SPIDR: variants seen among roughly 807,000 people sequenced by gnomAD.
The protein encoded by SPIDR is scaffold protein involved in DNA repair, also known as DNA repair-scaffolding protein.
A neutral mutation model predicts 104.6 loss-of-function variants in SPIDR; 93 were observed. That is an observed-to-expected ratio of 0.89 (90% CI 0.75 to 1.06). SPIDR has a LOEUF of 1.06. Among genes scored for constraint, SPIDR ranks in the 50% least tolerant of loss-of-function variants. The pLI is 0.00. For synonymous variants in SPIDR, 431 were observed against 416.9 expected, an observed-to-expected ratio of 1.03 and a Z score of -0.41; for missense variants, 1,154 against 1,111.2, an observed-to-expected ratio of 1.04 and a Z score of -0.55.
intron 7 of SPIDR, among the ~76,000 whole-genome samples, chr8:47,422,496 G>A (rs1284918629): frequency 6.6e-6 from 1 of 152,204 alleles, no homozygotes; most frequent in African/African-American, 2.4e-5. Context: ...GATTTTCCAG[G>A]TGCCATCTGT....
intron 8 of SPIDR, among the ~76,000 whole-genome samples, chr8:47,471,236 A>C (rs2075660298): frequency 6.6e-6 from 1 of 152,122 alleles, no homozygotes. Context: ...GTGAAAAGTC[A>C]ACCCATACAG....
chr8:47,730,965 T>C (rs2085111420), intron 19 of SPIDR, among the ~76,000 whole-genome samples: 1 of 151,714 alleles, frequency 6.6e-6, no homozygotes, highest in African/African-American at 2.4e-5. Context: ...CTCTAAAGAG[T>C]TTCTGCTCTT....
intron 8 of SPIDR, among the ~76,000 whole-genome samples, chr8:47,586,363 G>T (rs1184754220): frequency 6.6e-6 from 1 of 152,016 alleles, no homozygotes; most frequent in East Asian, 1.9e-4. Context: ...TTACATTTCT[G>T]CCAGCAGTAT....
intron 5 of SPIDR, among the ~76,000 whole-genome samples, chr8:47,346,919 A>AT (rs1195841111): frequency 5.9e-5 from 9 of 151,730 alleles, no homozygotes; most frequent in East Asian, 5.8e-4. Flanking sequence ...GGATTCATTG[A>AT]TTTTTTGAAG....
intron 8 of SPIDR, among the ~76,000 whole-genome samples, chr8:47,544,710 A>G (rs778751418): frequency 1.3e-5 from 2 of 152,224 alleles, no homozygotes; most frequent in Admixed American, 6.5e-5. Flanking sequence ...TCTTTGTACC[A>G]TCACACAGTC....
intron 8 of SPIDR, among the ~76,000 whole-genome samples, chr8:47,468,783 G>T (rs2075270714): frequency 6.6e-6 from 1 of 152,128 alleles, no homozygotes; most frequent in Non-Finnish European, 1.5e-5. Flanking sequence ...TTTAGGCAAA[G>T]ATTTCATTAT....
intron 1 of SPIDR, among the ~76,000 whole-genome samples, chr8:47,267,677 G>A (rs536301813): frequency 1.3e-5 from 2 of 152,238 alleles, no homozygotes; most frequent in East Asian, 3.9e-4. Context: ...AGCTTATTTG[G>A]CTGCGTTTTC....
chr8:47,708,035 T>C (rs1406685376), intron 14 of SPIDR, among the ~76,000 whole-genome samples: 7 of 152,196 alleles, frequency 4.6e-5, no homozygotes, highest in Non-Finnish European at 2.9e-5. Context: ...CACGGTGGCT[T>C]ACGCCTGTAA....
At chr8:47,337,500 C>G (rs1563663345) in intron 5 of SPIDR, among the ~76,000 whole-genome samples, 2 of 150,938 alleles carry the variant, frequency 1.3e-5, no homozygotes, top group Non-Finnish European at 3.0e-5. Flanking sequence ...TTTTTTTTTC[C>G]CAGATGTATG....
intron 5 of SPIDR, among the ~76,000 whole-genome samples, chr8:47,322,702 T>C (rs546647723): frequency 3.9e-5 from 6 of 152,174 alleles, no homozygotes; most frequent in Non-Finnish European, 8.8e-5. Flanking sequence ...TGTCCAACAA[T>C]GATAGACTGG....
chr8:47,418,615 T>C (rs2064820606), intron 7 of SPIDR, among the ~76,000 whole-genome samples: 1 of 152,198 alleles, frequency 6.6e-6, no homozygotes. Context: ...CTTTATTTCC[T>C]TCTCCTGCCT....
intron 10 of SPIDR, among the ~76,000 whole-genome samples, chr8:47,620,571 T>A (rs777310225): frequency 2.6e-5 from 4 of 151,088 alleles, no homozygotes; most frequent in African/African-American, 4.9e-5. Flanking sequence ...CCCGGCCCAT[T>A]TAAACCATTT....
intron 16 of SPIDR, among the ~76,000 whole-genome samples, chr8:47,723,755 T>C (rs1370979808): frequency 6.6e-6 from 1 of 152,194 alleles, no homozygotes; most frequent in East Asian, 1.9e-4. Context: ...TAAGTTTTTC[T>C]AGTGGTTACC....
chr8:47,658,325 G>A (rs2073324196), intron 10 of SPIDR, among the ~76,000 whole-genome samples: 1 of 151,946 alleles, frequency 6.6e-6, no homozygotes. Flanking sequence ...GGCTGAGGTA[G>A]GAGAATCGCT....
intron 8 of SPIDR, among the ~76,000 whole-genome samples, chr8:47,571,494 T>C (rs2058518208): frequency 6.6e-6 from 1 of 152,208 alleles, no homozygotes; most frequent in Admixed American, 6.5e-5. Context: ...ATCATATATA[T>C]CCTACTTCCC....
intron 8 of SPIDR, among the ~76,000 whole-genome samples, chr8:47,590,597 T>G (rs1240497209): frequency 2.6e-5 from 4 of 152,188 alleles, no homozygotes; most frequent in African/African-American, 9.7e-5. Context: ...ATGCATTTTG[T>G]GGGCACCTGA....
In SPIDR at chr8:47,530,437, C is replaced by G. The variant is rs2085767611; in HGVS notation, c.1098-65374C>G. Among the ~76,000 whole-genome samples, 3 of 152,056 alleles carry G rather than the reference C, an allele frequency of 2.0e-5. No homozygotes were observed. The South Asian group carries it at 6.2e-4, about 32-fold the overall frequency. On this transcript the variant is annotated intron_variant, in intron 8 of 19. Transcript: ENST00000297423. ...CCAGCCTGGGTGACACTGCGAGACTCTGTGTCAAATACAAAACAAAACACC... is the reference window on the plus strand; with the variant it reads ...CCAGCCTGGGTGACACTGCGAGACTGTGTGTCAAATACAAAACAAAACACC...
chr8:47,325,724 T>C (rs1176347552), intron 5 of SPIDR, among the ~76,000 whole-genome samples: 2 of 152,152 alleles, frequency 1.3e-5, no homozygotes, highest in South Asian at 2.1e-4. Context: ...TATGTGAGAT[T>C]TGTGCTCTTT....
At chr8:47,688,047 A>G (rs996066147) in intron 11 of SPIDR, among the ~76,000 whole-genome samples, 4 of 77,986 alleles carry the variant, frequency 5.1e-5, no homozygotes, top group South Asian at 3.7e-4. Flanking sequence ...GTGTGTGTGC[A>G]TGCGTATAGG....
Sources: allele counts gnomAD v4.1 joint callset (sites outside exome capture counted in the v4.1 genomes callset), GRCh38; gene constraint gnomAD v4.1.1; transcripts MANE v1.5; gene names NCBI Gene and HGNC (gene_info 2026-07-23, HGNC 2026-07-21).